The following TRIO variants were observed in gnomAD, a reference collection of about 807,000 sequenced individuals.
The protein encoded by TRIO is trio Rho guanine nucleotide exchange factor.
Under a neutral mutation model 351.9 loss-of-function variants are expected in TRIO, and 58 were observed. That is an observed-to-expected ratio of 0.16 (90% CI 0.13 to 0.21). The LOEUF is 0.21. Among genes scored for constraint, TRIO ranks in the 10% least tolerant of loss-of-function variants. The pLI is 1.00. For synonymous variants in TRIO, 1,758 were observed against 1,595.7 expected, an observed-to-expected ratio of 1.10 and a Z score of -2.42; for missense variants, 3,201 against 4,027.8, an observed-to-expected ratio of 0.79 and a Z score of 5.56.
rs570842497 is a variant in TRIO, at chr5:14,145,818, G to C, written c.157+1936G>C. Among the ~76,000 whole-genome samples the C allele has an allele frequency of 9.8e-5, 15 of 152,288 alleles. No individual in the cohort carries two copies. The East Asian group carries it at 1.7e-3, about 18-fold the overall frequency. On this transcript the variant is annotated intron_variant, in intron 1 of 56. Coordinates refer to ENST00000344204, the MANE Select transcript of TRIO (RefSeq NM_007118.4). ...CGAAGATTTGCTGCCTGTTGGCGTG[G>C]CTCTCTCCAGGAGTTGTCGTCTGCT...
At chr5:14,303,018 A>G (rs13174463) in intron 7 of TRIO, among the ~76,000 whole-genome samples, 84 of 125,424 alleles carry the variant, frequency 6.7e-4, no homozygotes, top group Middle Eastern at 0.01. Flanking sequence ...AGATTGAGCC[A>G]GGGTTGGGAT....
chr5:14,194,823 A>C (rs921612259), intron 1 of TRIO, among the ~76,000 whole-genome samples: 58 of 152,234 alleles, frequency 3.8e-4, no homozygotes, highest in Non-Finnish European at 1.5e-5. Flanking sequence ...AATGGTTACA[A>C]AAATTACACA....
At chr5:14,182,988 C>G (rs1402774905) in intron 1 of TRIO, among the ~76,000 whole-genome samples, 1 of 152,150 alleles carries the variant, frequency 6.6e-6, no homozygotes, top group Admixed American at 6.5e-5. Flanking sequence ...TTCCTCTGAG[C>G]TGGGCCAGGG....
At chr5:14,262,652 A>G (rs1795419282) in intron 1 of TRIO, among the ~76,000 whole-genome samples, 2 of 152,140 alleles carry the variant, frequency 1.3e-5, no homozygotes, top group African/African-American at 4.8e-5. Context: ...GGGGTGCTTC[A>G]TGGGACTGTG....
intron 1 of TRIO, among the ~76,000 whole-genome samples, chr5:14,267,342 A>T (rs759793027): frequency 3.9e-5 from 6 of 152,114 alleles, no homozygotes; most frequent in Non-Finnish European, 8.8e-5. Context: ...CTGGGATCCT[A>T]TCAGGGCCTC....
chr5:14,489,394 T>C (rs185908378), intron 48 of TRIO, among the ~76,000 whole-genome samples: 2 of 152,306 alleles, frequency 1.3e-5, no homozygotes, highest in African/African-American at 4.8e-5. Context: ...CAGAGCAAGG[T>C]GGCCTTTCAG....
chr5:14,497,493 G>A lies in TRIO; in HGVS notation c.8020-354G>A, dbSNP rs1756981303. On this transcript the variant is annotated intron_variant, in intron 50 of 56. Coordinates refer to ENST00000344204, the MANE Select transcript of TRIO (RefSeq NM_007118.4). The surrounding 1 kb of genome is among the most constrained non-coding windows in gnomAD (Gnocchi z 4.4). ...GGATTGCCTGACACCTGCGGTGGGGGTTGCCTGGAGAAAAAGAAGGTATCT... is the reference window on the plus strand; with the variant it reads ...GGATTGCCTGACACCTGCGGTGGGGATTGCCTGGAGAAAAAGAAGGTATCT... Among the ~76,000 whole-genome samples the A allele has an allele frequency of 6.6e-6, 1 of 152,210 alleles. No homozygotes were observed. The highest frequency in any genetic ancestry group is 1.5e-5 in the Non-Finnish European group (1 of 68,028).
rs544138648 is a variant in TRIO, at chr5:14,305,893, A to T, written c.1500+1301A>T. Reference sequence around the variant, plus strand: ...TTTACTGTACTTTTTCTATGTTTAGATACACAAATACTTAGCATTGTGGTA... The same window carrying T: ...TTTACTGTACTTTTTCTATGTTTAGTTACACAAATACTTAGCATTGTGGTA... On this transcript the variant is annotated intron_variant, in intron 8 of 56. Coordinates refer to ENST00000344204, the MANE Select transcript of TRIO (RefSeq NM_007118.4). Among the ~76,000 whole-genome samples, 4 of 152,352 alleles carry T rather than the reference A, an allele frequency of 2.6e-5. No homozygotes were observed. The South Asian group carries it at 8.3e-4, about 32-fold the overall frequency.
At chr5:14,350,430 A>C (rs183816660) in intron 11 of TRIO, among the ~76,000 whole-genome samples, 15 of 152,072 alleles carry the variant, frequency 9.9e-5, no homozygotes, top group Non-Finnish European at 1.8e-4. Flanking sequence ...CCCAAAGTCA[A>C]ATTCTTCTTT....
At chr5:14,482,827 C>G (rs948194203) in intron 46 of TRIO, 54 bp downstream of exon 46, 10 of 1,380,098 alleles carry the variant, frequency 7.2e-6, no homozygotes, top group Non-Finnish European at 9.6e-6. Context: ...CCCGTCACAC[C>G]GATACACTGT....
At chr5:14,270,650 G>A (rs902359332) in intron 1 of TRIO, among the ~76,000 whole-genome samples, 175 bp from the exon 2 acceptor site, 1 of 152,164 alleles carries the variant, frequency 6.6e-6, no homozygotes, top group Non-Finnish European at 1.5e-5. Flanking sequence ...CATTAAAATA[G>A]AAGACAGTTT....
rs915428012 is a variant in TRIO at position 14,286,005 on chromosome 5, G to A, written c.348-866G>A. On this transcript the variant is annotated intron_variant, in intron 3 of 56. Transcript: ENST00000344204. The surrounding 1 kb of genome is among the most constrained non-coding windows in gnomAD (Gnocchi z 4.4). ...TGTGTTTAAGGACACCTTAACTCTTGTTGCTCATTCTTTATTGCAGATTTG... is the reference window on the plus strand; with the variant it reads ...TGTGTTTAAGGACACCTTAACTCTTATTGCTCATTCTTTATTGCAGATTTG... 1.3e-5 allele frequency among the ~76,000 whole-genome samples: 2 copies of A among 152,116 alleles called. No homozygotes were observed. Among genetic ancestry groups the A allele is most frequent in the Non-Finnish European group, 2.9e-5 (2 of 68,026 alleles).
At chr5:14,403,589 G>A (rs1748384956) in intron 31 of TRIO, among the ~76,000 whole-genome samples, 1 of 72,916 alleles carries the variant, frequency 1.4e-5, no homozygotes, top group Non-Finnish European at 2.9e-5. Flanking sequence ...GTAGGTTGTG[G>A]TGGTGAGGGT....
chr5:14,371,818 T>A (rs1331731442), intron 18 of TRIO, among the ~76,000 whole-genome samples: 2 of 152,034 alleles, frequency 1.3e-5, no homozygotes, highest in African/African-American at 4.8e-5. Flanking sequence ...TTTTTGTATT[T>A]TTTTGTAGTA....
At chr5:14,452,052 C>T (rs145105846) in intron 34 of TRIO, among the ~76,000 whole-genome samples, 4,458 of 152,350 alleles carry the variant, frequency 0.029, 89 homozygotes, top group South Asian at 0.047. Context: ...TCATCGGAAA[C>T]GCCCTGGCTG....
chr5:14,377,955 G>C, intron 19 of TRIO, 57 bp from the exon 20 acceptor site: 1 of 1,300,790 alleles, frequency 7.7e-7, no homozygotes. Flanking sequence ...ATGGAATTTC[G>C]CGGTTGTTTT....
At position 14,275,914 on chromosome 5, in the gene TRIO, A is replaced by G. The variant is rs142998990; in HGVS notation, c.233-4408A>G. The stretch of plus-strand genomic sequence containing the variant: ...TATATATGTGTTTATATATATGTCT[A>G]TATGTATGTTTATATATATGTGTGT... On this transcript the variant is annotated intron_variant, in intron 2 of 56. Coordinates refer to ENST00000344204, the MANE Select transcript of TRIO (RefSeq NM_007118.4). 2.6e-3 allele frequency among the ~76,000 whole-genome samples: 386 copies of G among 147,824 alleles called. 2 individuals carry two copies. Among genetic ancestry groups the G allele is most frequent in the Non-Finnish European group, 4.2e-3 (283 of 67,184 alleles).
In TRIO at chr5:14,485,109, C is replaced by T. The variant is rs1333552469; in HGVS notation, c.6698C>T (p.Pro2233Leu). 6.4e-7 allele frequency: 1 copy of T among 1,562,512 alleles called. No homozygotes were observed. Among genetic ancestry groups the T allele is most frequent in the South Asian group, 1.2e-5 (1 of 83,542 alleles). The change falls in exon 47 of 57, where the codon CCC (proline) becomes CTC (leucine). Residue 2233 changes from proline (P) to leucine (L), a missense_variant. Transcript: ENST00000344204. ...LCLEENVEND[P>L]CKFALTSRTG... ...CTGGAGGAAAATGTGGAAAATGATC[C>T]CTGTAAATTTGCTCTGACATCGAGG...
chr5:14,467,499 G>A (rs1253803748), intron 37 of TRIO, among the ~76,000 whole-genome samples: 9 of 152,152 alleles, frequency 5.9e-5, no homozygotes, highest in Admixed American at 4.6e-4. Flanking sequence ...GATAACTCAC[G>A]AATTCGGACT....
Sources: gnomAD v4.1 joint callset for allele counts (sites outside exome capture counted in the v4.1 genomes callset) on GRCh38, gnomAD v4.1.1 for gene constraint, Gnocchi (gnomAD v3.1) non-coding constraint, MANE v1.5 for transcripts, NCBI Gene and HGNC (gene_info 2026-07-23, HGNC 2026-07-21) for gene names.